Variants in XYLB observed in about 807,000 individuals in gnomAD.
XYLB encodes xylulose kinase.
In XYLB, 62 loss-of-function variants were observed where a neutral mutation model predicts 78.7. The ratio of observed to expected loss-of-function variants is 0.79; its 90% CI spans 0.64 to 0.97. XYLB has a LOEUF of 0.97. XYLB is among the 50% of genes least tolerant of loss of function. The probability of loss-of-function intolerance (pLI) is 0.00; values close to 1 mark genes in which losing one functional copy is unlikely to be tolerated. For missense variants in XYLB, 687 were observed against 676.8 expected (o/e 1.02, Z -0.17); for synonymous variants, 245 against 247.4 (o/e 0.99, Z 0.09).
intron 4 of XYLB, among the ~76,000 whole-genome samples, chr3:38,364,530 C>T (rs1162023422): frequency 1.5e-5 from 2 of 136,858 alleles, no homozygotes; most frequent in South Asian, 2.8e-4. Context: ...CACCCACCCC[C>T]GACCCAGCCT....
downstream of XYLB, among the ~76,000 whole-genome samples, chr3:38,424,296 C>G (rs574257287): frequency 1.1e-4 from 17 of 152,130 alleles, no homozygotes; most frequent in Non-Finnish European, 2.5e-4. Flanking sequence ...GATCAAATTG[C>G]TACTCTGATA....
At chr3:38,417,879 C>CAAA (rs534465318), downstream of XYLB, among the ~76,000 whole-genome samples, 2,064 of 91,430 alleles carry the variant, frequency 0.023, 81 homozygotes, top group African/African-American at 0.075. Context: ...GACTTCATCT[C>CAAA]AAAAAAAAAA....
chr3:38,398,560 A>G (rs1448695685), intron 17 of XYLB, among the ~76,000 whole-genome samples: 1 of 151,970 alleles, frequency 6.6e-6, no homozygotes, highest in Non-Finnish European at 1.5e-5. Context: ...CTATATCAAG[A>G]TCACTTGGGA....
chr3:38,416,077 C>T (rs1384096095), downstream of XYLB, among the ~76,000 whole-genome samples: 2 of 152,056 alleles, frequency 1.3e-5, no homozygotes, highest in African/African-American at 4.8e-5. Context: ...CAGGTCTCGC[C>T]CTCAACACCT....
intron 14 of XYLB, 38 bp from the exon 15 acceptor site, chr3:38,379,208 G>C (rs769300157): frequency 3.3e-5 from 52 of 1,598,752 alleles, no homozygotes; most frequent in Non-Finnish European, 4.1e-5. Flanking sequence ...TGGACAATGA[G>C]AGTTCCTTAC....
At chr3:38,443,275 G>C in the XYLB span, among the ~76,000 whole-genome samples, 2 of 152,132 alleles carry the variant, frequency 1.3e-5, no homozygotes, top group East Asian at 3.9e-4. Flanking sequence ...GACATAAGCC[G>C]GTGCTTGTTC....
At chr3:38,442,720 ATTT>A in the XYLB span, among the ~76,000 whole-genome samples, 3 of 99,174 alleles carry the variant, frequency 3.0e-5, no homozygotes, top group Non-Finnish European at 3.9e-5. Flanking sequence ...GGACTGCTGC[ATTT>A]TTTTTTTTTT....
chr3:38,418,258 G>A (rs1447074968), downstream of XYLB, among the ~76,000 whole-genome samples: 1 of 149,990 alleles, frequency 6.7e-6, no homozygotes, highest in Non-Finnish European at 1.5e-5. Flanking sequence ...AGAAAAAAAC[G>A]CAAGTACACT....
At chr3:38,396,461 G>A (rs1206262957) in intron 16 of XYLB, among the ~76,000 whole-genome samples, 5 of 152,186 alleles carry the variant, frequency 3.3e-5, no homozygotes, top group Non-Finnish European at 5.9e-5. Context: ...GCTTTCTTGA[G>A]GAGGTAGTGC....
chr3:38,408,154 C>T (rs1486621176), intron 18 of XYLB, among the ~76,000 whole-genome samples: 9 of 151,320 alleles, frequency 5.9e-5, no homozygotes, highest in South Asian at 4.2e-4. Context: ...CCTCAGCAAA[C>T]GTAAAAGAAC....
At chr3:38,445,796 G>A in the XYLB span, among the ~76,000 whole-genome samples, 65 of 152,124 alleles carry the variant, frequency 4.3e-4, no homozygotes, top group Non-Finnish European at 7.8e-4. Context: ...CGGTGGCCAC[G>A]CTAGTCACTT....
intron 17 of XYLB, among the ~76,000 whole-genome samples, chr3:38,398,525 A>G (rs1267478267): frequency 6.6e-6 from 1 of 151,566 alleles, no homozygotes; most frequent in East Asian, 1.9e-4. Flanking sequence ...CACCCCATCT[A>G]CCTCACCCTG....
chr3:38,450,664 G>A, the XYLB span, among the ~76,000 whole-genome samples: 1 of 152,250 alleles, frequency 6.6e-6, no homozygotes, highest in African/African-American at 2.4e-5. Flanking sequence ...AATAGAACTC[G>A]TTTTTCAAAT....
chr3:38,372,641 TC>T lies in XYLB; in HGVS notation c.766-10del. 1.9e-6 allele frequency: 3 copies of T among 1,614,004 alleles called. No homozygotes were observed. Among genetic ancestry groups the T allele is most frequent in the Non-Finnish European group, 2.5e-6 (3 of 1,179,968 alleles). ...ACCTCAACAGAGCACCTTTGCTTTG[TC>T]CCCGTCCCTCAGGGAGCCATTTCTT... On this transcript the variant is annotated splice_polypyrimidine_tract_variant and intron_variant, in intron 9 of 18. Transcript: ENST00000207870.
chr3:38,415,589 A>C (rs774006015), downstream of XYLB, among the ~76,000 whole-genome samples: 8 of 151,998 alleles, frequency 5.3e-5, no homozygotes, highest in Non-Finnish European at 8.8e-5. Flanking sequence ...TCGAGACCAG[A>C]CTGGCCAACA....
intron 8 of XYLB, 107 bp downstream of exon 8, chr3:38,368,364 C>T (rs1046577569): frequency 4.4e-5 from 43 of 968,514 alleles, no homozygotes; most frequent in South Asian, 1.3e-4. Flanking sequence ...ATCTTGTAGC[C>T]CTGTCATCTG....
chr3:38,392,507 G>C (rs1707705366), intron 15 of XYLB, among the ~76,000 whole-genome samples: 1 of 152,060 alleles, frequency 6.6e-6, no homozygotes, highest in Non-Finnish European at 1.5e-5. Context: ...ATGTTGGCCA[G>C]GCTGATCTCA....
intron 2 of XYLB, among the ~76,000 whole-genome samples, chr3:38,349,950 C>G (rs1157950431): frequency 1.3e-5 from 2 of 152,174 alleles, no homozygotes; most frequent in African/African-American, 2.4e-5. Flanking sequence ...AACTTAATTG[C>G]CTTTTTAAAG....
chr3:38,446,846 G>A, the XYLB span, among the ~76,000 whole-genome samples: 1 of 152,108 alleles, frequency 6.6e-6, no homozygotes, highest in African/African-American at 2.4e-5. Flanking sequence ...AACTCTCCTG[G>A]ACATTGGTCT....
Sources: gnomAD v4.1 joint callset for allele counts (sites outside exome capture counted in the v4.1 genomes callset) on GRCh38, gnomAD v4.1.1 for gene constraint, MANE v1.5 for transcripts, NCBI Gene and HGNC (gene_info 2026-07-23, HGNC 2026-07-21) for gene names.